NTM: variants seen among roughly 807,000 people sequenced by gnomAD.
NTM encodes the protein IgLON family member 2.
Under a neutral mutation model 42.1 loss-of-function variants are expected in NTM, and 13 were observed. The ratio of observed to expected loss-of-function variants is 0.31; its 90% confidence interval spans 0.20 to 0.49. NTM has a LOEUF of 0.49. Ranked by LOEUF, NTM falls within the 20% of genes least tolerant of loss-of-function variation. NTM has a pLI of 0.99. For synonymous variants in NTM, 187 were observed against 179.2 expected (o/e 1.04, Z -0.35); for missense variants, 373 against 452.8 (o/e 0.82, Z 1.60).
intron 1 of NTM, chr11:131,769,605 A>G: frequency 3.1e-6 from 3 of 982,332 alleles, no homozygotes; most frequent in East Asian, 1.1e-4. Context: ...GCTGTCCTGC[A>G]TGAGCTCCAC....
intron 1 of NTM, among the ~76,000 whole-genome samples, chr11:131,816,091 C>T (rs1313337739): frequency 6.6e-6 from 1 of 152,164 alleles, no homozygotes; most frequent in Non-Finnish European, 1.5e-5. Flanking sequence ...GTGAGGTGCT[C>T]TCATTAGTTG....
chr11:131,688,062 A>G (rs1430099917), intron 1 of NTM, among the ~76,000 whole-genome samples: 1 of 152,246 alleles, frequency 6.6e-6, no homozygotes, highest in Non-Finnish European at 1.5e-5. Context: ...CAGCAGGCTA[A>G]TAAACCCCGG....
intron 2 of NTM, among the ~76,000 whole-genome samples, chr11:131,970,481 C>T (rs148805528): frequency 1.3e-5 from 2 of 152,348 alleles, no homozygotes; most frequent in African/African-American, 4.8e-5. Context: ...ATTGGGCCAC[C>T]TGATTCCTAG....
In NTM at chr11:131,834,608, GTATATATATACATATACATATATATA is replaced by G. The variant is rs2043234911; in HGVS notation, c.83-76945_83-76920del. Among the ~76,000 whole-genome samples the G allele has an allele frequency of 9.7e-5, 9 of 93,198 alleles. No homozygotes were observed. In the South Asian group the frequency reaches 2.9e-3, roughly 30 times the overall value. The allele number at this position is 93,198 out of a possible 152,430, so 61.1% of individuals were successfully genotyped here. A position where few individuals can be genotyped will look rare whatever the true frequency, so the allele number is the denominator to read the frequency against. On this transcript the variant is annotated intron_variant, in intron 1 of 8. Transcript: ENST00000683400. Reference sequence around the variant, plus strand: ...GCCAAGCATCTTCGGAATAGTGTGTGTATATATATACATATACATATATATATATATATATATGTATAATCTTCACA... The same window carrying G: ...GCCAAGCATCTTCGGAATAGTGTGTGTATATATATATGTATAATCTTCACA...
At chr11:131,618,222 G>A (rs758956495) in intron 1 of NTM, among the ~76,000 whole-genome samples, 37 of 152,216 alleles carry the variant, frequency 2.4e-4, no homozygotes, top group Non-Finnish European at 4.8e-4. Flanking sequence ...TCCAGAGGTT[G>A]CTTAGTGCAG....
intron 2 of NTM, among the ~76,000 whole-genome samples, chr11:132,024,498 A>C (rs1332602122): frequency 6.6e-6 from 1 of 152,170 alleles, no homozygotes; most frequent in African/African-American, 2.4e-5. Flanking sequence ...ATGCTATATA[A>C]ATTTTTACTG....
chr11:131,960,496 C>T (rs1432416800), intron 2 of NTM, among the ~76,000 whole-genome samples: 1 of 151,898 alleles, frequency 6.6e-6, no homozygotes, highest in East Asian at 1.9e-4. Flanking sequence ...CAGATGTTGA[C>T]ATATGTTTTG....
intron 2 of NTM, among the ~76,000 whole-genome samples, chr11:132,043,312 T>C (rs377222305): frequency 1.3e-5 from 2 of 152,234 alleles, no homozygotes; most frequent in African/African-American, 4.8e-5. Context: ...TTCTGGTTAA[T>C]GAGTTTGTCA....
intron 4 of NTM, among the ~76,000 whole-genome samples, chr11:132,271,506 C>T (rs1220374148): frequency 6.6e-6 from 1 of 152,150 alleles, no homozygotes; most frequent in Non-Finnish European, 1.5e-5. Context: ...ATTGTACATT[C>T]TCACTTTAGC....
In NTM at chr11:131,725,832, A is replaced by C. The variant is rs2078898370; in HGVS notation, c.83-185732A>C. Among the ~76,000 whole-genome samples, 2 of 152,192 alleles carry C rather than the reference A, an allele frequency of 1.3e-5. 1 individual carries two copies. Among genetic ancestry groups the C allele is most frequent in the South Asian group, 4.1e-4 (2 of 4,820 alleles). ...CCTCTGGTTTGCGTGATGGCTCTCA[A>C]ACTTCAGCGTGAATCAGAACCACCT... On this transcript the variant is annotated intron_variant, in intron 1 of 8. Coordinates refer to ENST00000683400, the MANE Select transcript of NTM (RefSeq NM_001352005.2).
intron 1 of NTM, among the ~76,000 whole-genome samples, chr11:131,595,809 A>G (rs1592158942): frequency 6.6e-6 from 1 of 152,376 alleles, no homozygotes; most frequent in Non-Finnish European, 1.5e-5. Context: ...GAAGACCTCA[A>G]AAGCAAACCT....
chr11:132,187,924 T>A (rs1445116253), intron 3 of NTM, among the ~76,000 whole-genome samples: 3 of 152,174 alleles, frequency 2.0e-5, no homozygotes, highest in African/African-American at 7.2e-5. Flanking sequence ...TCTGTCCCTC[T>A]GACTAACATG....
At chr11:131,451,920 G>A (rs1025275969) in intron 1 of NTM, among the ~76,000 whole-genome samples, 13 of 152,128 alleles carry the variant, frequency 8.5e-5, no homozygotes, top group South Asian at 2.1e-4. Flanking sequence ...TGGAGGGAGG[G>A]GCATGAGGCT....
intron 4 of NTM, among the ~76,000 whole-genome samples, chr11:132,297,507 C>T (rs893426404): frequency 1.3e-5 from 2 of 152,200 alleles, no homozygotes; most frequent in Non-Finnish European, 2.9e-5. Context: ...TGCATTTCAA[C>T]TTAGCTTTGG....
intron 1 of NTM, among the ~76,000 whole-genome samples, chr11:131,776,496 C>T (rs1391708948): frequency 6.6e-6 from 1 of 152,130 alleles, no homozygotes; most frequent in Non-Finnish European, 1.5e-5. Flanking sequence ...TGTTTCACTA[C>T]AGCAGAGCAG....
intron 1 of NTM, among the ~76,000 whole-genome samples, chr11:131,843,381 G>T (rs1041023015): frequency 2.0e-5 from 3 of 152,274 alleles, no homozygotes; most frequent in Middle Eastern, 3.4e-3. Flanking sequence ...AGTCTGGTTA[G>T]ATTCTTCAGT....
At chr11:131,956,637 G>A (rs1233024933) in intron 2 of NTM, among the ~76,000 whole-genome samples, 1 of 151,758 alleles carries the variant, frequency 6.6e-6, no homozygotes, top group Non-Finnish European at 1.5e-5. Flanking sequence ...ACAGTGGAGC[G>A]GAACTGTCTG....
chr11:131,795,168 C>G (rs1345265201), intron 1 of NTM: 3 of 375,118 alleles, frequency 8.0e-6, no homozygotes. Flanking sequence ...TTTTGTCACC[C>G]ACTTAAATTT....
At chr11:132,207,144 C>A (rs567999346) in intron 3 of NTM, among the ~76,000 whole-genome samples, 1 of 152,330 alleles carries the variant, frequency 6.6e-6, no homozygotes, top group Non-Finnish European at 1.5e-5. Flanking sequence ...CGATACTGCT[C>A]TGTGGCCTGT....
Sources: allele counts gnomAD v4.1 joint callset (sites outside exome capture counted in the v4.1 genomes callset), GRCh38; gene constraint gnomAD v4.1.1; transcripts MANE v1.5; gene names NCBI Gene and HGNC (gene_info 2026-07-23, HGNC 2026-07-21).